PDE4B: variants seen among roughly 807,000 people sequenced by gnomAD.
The protein encoded by PDE4B is phosphodiesterase 4B, also known as 3',5'-cyclic-AMP phosphodiesterase 4B.
A neutral mutation model predicts 82.2 loss-of-function variants in PDE4B; 20 were observed. The observed-to-expected ratio is 0.24, with a 90% CI of 0.17 to 0.35. The LOEUF is 0.35. Ranked by LOEUF, PDE4B falls within the 10% of genes least tolerant of loss-of-function variation. The pLI, the probability that PDE4B is intolerant of heterozygous loss-of-function variation, is 1.00. For missense variants in PDE4B, 655 were observed against 907.2 expected (o/e 0.72, Z 3.57); for synonymous variants, 320 against 318.9 (o/e 1.00, Z -0.04).
At chr1:66,100,880 G>A (rs145585707) in intron 3 of PDE4B, among the ~76,000 whole-genome samples, 47 of 152,048 alleles carry the variant, frequency 3.1e-4, no homozygotes, top group African/African-American at 7.5e-4. Context: ...TGTGCACAAC[G>A]TGCAGGTTTG....
chr1:66,129,510 A>T (rs1001182318), intron 3 of PDE4B, among the ~76,000 whole-genome samples: 2 of 151,080 alleles, frequency 1.3e-5, no homozygotes, highest in African/African-American at 4.9e-5. Context: ...ACAAAAAAAA[A>T]TTAGCCGGGC....
Position 65,793,260 on chromosome 1 carries a change from C to G in PDE4B, c.-71+12C>G, listed in dbSNP as rs1298565253. On this transcript the variant is annotated intron_variant, in intron 1 of 16. Coordinates refer to ENST00000341517, the MANE Select transcript of PDE4B (RefSeq NM_002600.4). ...GAGGGCAGCCTGAGGTAAGGGCTGCCTAGGAGGCTGCGGGTTTATTTTTCC... is the reference window on the plus strand; with the variant it reads ...GAGGGCAGCCTGAGGTAAGGGCTGCGTAGGAGGCTGCGGGTTTATTTTTCC... The G allele has an allele frequency of 6.6e-6, 1 of 152,444 alleles. No homozygotes were observed. The highest frequency in any genetic ancestry group is 1.5e-5 in the Non-Finnish European group (1 of 68,268). 9.4% of individuals were successfully genotyped at this position (152,444 alleles called of 1,614,324 possible).
At chr1:66,338,887 C>T (rs1231480988) in intron 8 of PDE4B, among the ~76,000 whole-genome samples, 4 of 151,302 alleles carry the variant, frequency 2.6e-5, no homozygotes, top group African/African-American at 7.3e-5. Context: ...GGCGTAGTGG[C>T]GGGCGCCTGT....
intron 3 of PDE4B, among the ~76,000 whole-genome samples, chr1:66,054,282 G>A (rs1356814031): frequency 2.0e-5 from 3 of 152,164 alleles, no homozygotes; most frequent in South Asian, 2.1e-4. Context: ...ACATGCATTC[G>A]GATATTTGTC....
At chr1:66,243,085 T>A (rs1653010516) in intron 3 of PDE4B, among the ~76,000 whole-genome samples, 1 of 152,226 alleles carries the variant, frequency 6.6e-6, no homozygotes, top group Admixed American at 6.5e-5. Context: ...GCTAAGCCAG[T>A]GATATTTCTA....
chr1:66,200,161 T>C lies in PDE4B; in HGVS notation c.282-47299T>C, dbSNP rs189203159. ...GTCAAAGATCAGATAGTTGTAGATA[T>C]ATGGCATTATTTCCGAGGGTTCTGT... On this transcript the variant is annotated intron_variant, in intron 3 of 16. Coordinates refer to ENST00000341517, the MANE Select transcript of PDE4B (RefSeq NM_002600.4). 2.6e-3 allele frequency among the ~76,000 whole-genome samples: 393 copies of C among 152,330 alleles called. 1 individual carries two copies. Among genetic ancestry groups the C allele is most frequent in the Middle Eastern group, 0.017 (5 of 294 alleles).
intron 3 of PDE4B, among the ~76,000 whole-genome samples, chr1:66,043,650 A>G (rs576576289): frequency 7.2e-5 from 11 of 151,860 alleles, no homozygotes; most frequent in Admixed American, 7.2e-4. Flanking sequence ...CGAAACCATG[A>G]AAGTCAAACT....
At chr1:66,332,195 C>G (rs1053271004) in intron 7 of PDE4B, 1 of 1,427,304 alleles carries the variant, frequency 7.0e-7, no homozygotes, top group African/African-American at 1.4e-5. Flanking sequence ...TTTTAGGACA[C>G]ATTTATGCAG....
rs1429058809 is a variant in PDE4B at position 66,247,500 on chromosome 1, C to G, written c.322C>G (p.Leu108Val). 1 of 1,602,426 alleles carries G rather than the reference C, an allele frequency of 6.2e-7. No homozygotes were observed. Among genetic ancestry groups the G allele is most frequent in the South Asian group, 1.1e-5 (1 of 89,258 alleles). ...ENGPSPGRSP[L>V]DPQASSSAGL... ...TGGCCCTTCCCCAGGTCGGAGTCCA[C>G]TGGATCCCCAGGCCAGCTCTTCCGC... The change falls in exon 4 of 17, where the codon CTG becomes GTG. Residue 108 changes from leucine (L) to valine (V), a missense_variant. Leu to Val is a conservative substitution (Grantham distance 32). Around this residue, in one of 3 missense-constraint regions of PDE4B, gnomAD observed 253 missense variants for 275.6 expected, o/e 0.92. Transcript: ENST00000341517.
intron 3 of PDE4B, among the ~76,000 whole-genome samples, chr1:66,162,603 T>A (rs147748153): frequency 3.7e-4 from 57 of 152,204 alleles, no homozygotes; most frequent in African/African-American, 1.3e-3. Flanking sequence ...GATTTTGGAT[T>A]TTTTTTCAGG....
At chr1:65,866,634 A>T (rs1646513276) in intron 1 of PDE4B, among the ~76,000 whole-genome samples, 1 of 152,226 alleles carries the variant, frequency 6.6e-6, no homozygotes, top group South Asian at 2.1e-4. Flanking sequence ...CAACAGCAAT[A>T]ATACCTGCAT....
intron 3 of PDE4B, among the ~76,000 whole-genome samples, chr1:66,206,038 A>G (rs1209983962): frequency 6.6e-6 from 1 of 152,156 alleles, no homozygotes; most frequent in Admixed American, 6.5e-5. Flanking sequence ...GGGTTTCTAC[A>G]CTATGATCTC....
At chr1:65,800,967 T>G (rs1236825418) in intron 1 of PDE4B, among the ~76,000 whole-genome samples, 1 of 152,194 alleles carries the variant, frequency 6.6e-6, no homozygotes, top group Non-Finnish European at 1.5e-5. Flanking sequence ...CCCCTTTCTC[T>G]CTCATCTTCC....
chr1:66,331,379 C>G (rs532801219), intron 7 of PDE4B, among the ~76,000 whole-genome samples: 1 of 152,178 alleles, frequency 6.6e-6, no homozygotes, highest in Non-Finnish European at 1.5e-5. Flanking sequence ...CTTTTTACAA[C>G]TCTCTGTAGC....
At chr1:65,822,843 G>A (rs1645969578) in intron 1 of PDE4B, among the ~76,000 whole-genome samples, 1 of 152,098 alleles carries the variant, frequency 6.6e-6, no homozygotes, top group Non-Finnish European at 1.5e-5. Flanking sequence ...CCAAAACTGT[G>A]AGAAATTAAT....
intron 8 of PDE4B, among the ~76,000 whole-genome samples, chr1:66,339,711 T>TA (rs1259376141): frequency 6.6e-6 from 1 of 152,234 alleles, no homozygotes; most frequent in Non-Finnish European, 1.5e-5. Context: ...TTGTCAAATG[T>TA]AAATGTAAAT....
chr1:65,977,980 G>A (rs77534329), intron 3 of PDE4B, among the ~76,000 whole-genome samples: 9,480 of 150,862 alleles, frequency 0.063, 352 homozygotes, highest in Middle Eastern at 0.2. Flanking sequence ...GCCAGATTGC[G>A]TTGTAAATGC....
intron 3 of PDE4B, among the ~76,000 whole-genome samples, chr1:66,212,643 G>A (rs1436729937): frequency 1.3e-5 from 2 of 151,768 alleles, no homozygotes; most frequent in African/African-American, 2.4e-5. Context: ...TTAACTCCTC[G>A]ATGTCATTTC....
intron 3 of PDE4B, among the ~76,000 whole-genome samples, chr1:66,071,532 A>G (rs1346810649): frequency 6.6e-6 from 1 of 152,116 alleles, no homozygotes; most frequent in Non-Finnish European, 1.5e-5. Flanking sequence ...AAATGTAAGG[A>G]GCTTACATCA....
Sources: allele counts gnomAD v4.1 joint callset (sites outside exome capture counted in the v4.1 genomes callset), GRCh38; gene constraint gnomAD v4.1.1; regional missense constraint gnomAD v4.1.1; transcripts MANE v1.5; gene names NCBI Gene and HGNC (gene_info 2026-07-23, HGNC 2026-07-21).